Variants in IST1 observed in about 807,000 individuals in gnomAD.
The protein encoded by IST1 is IST1 factor associated with ESCRT-III.
Under a neutral mutation model 37.0 loss-of-function variants are expected in IST1, and 23 were observed. The observed-to-expected ratio is 0.62, with a 90% CI of 0.45 to 0.88. The LOEUF is 0.88. Among genes scored for constraint, IST1 ranks in the 40% least tolerant of loss-of-function variants. The pLI is 0.00. For synonymous variants in IST1, 180 were observed against 161.7 expected (o/e 1.11, Z -0.86); for missense variants, 488 against 445.4 (o/e 1.10, Z -0.86).
chr16:71,913,178 G>T (rs1597245645), intron 1 of IST1, among the ~76,000 whole-genome samples: 1 of 152,156 alleles, frequency 6.6e-6, no homozygotes, highest in East Asian at 1.9e-4. Flanking sequence ...TTGAGGAACC[G>T]CCATACTGTC....
rs144265469 is a variant in IST1, at chr16:71,928,505, C to G, written c.*692C>G. ...TGGCCTTTTGCTTTGCGTGCTGTTT[C>G]CCTTGTACCAGAGGGCGGCACCGTG... On this transcript the variant is annotated 3_prime_UTR_variant, in exon 10 of 10. Coordinates refer to ENST00000378799, the MANE Select transcript of IST1 (RefSeq NM_001270975.2). 3.0e-4 allele frequency: 46 copies of G among 152,782 alleles called. No individual in the cohort carries two copies. Among genetic ancestry groups the G allele is most frequent in the Admixed American group, 2.5e-3 (38 of 15,304 alleles). The allele number at this position is 152,782 out of a possible 1,614,324, so 9.5% of individuals were successfully genotyped here.
intron 1 of IST1, among the ~76,000 whole-genome samples, chr16:71,913,062 A>G (rs548226819): frequency 1.4e-4 from 21 of 152,224 alleles, no homozygotes; most frequent in Non-Finnish European, 1.3e-4. Context: ...TGCTGGGAAC[A>G]TAGGTATGCA....
chr16:71,924,637 G>T, intron 8 of IST1, 132 bp from the exon 9 acceptor site: 1 of 710,912 alleles, frequency 1.4e-6, no homozygotes, highest in Non-Finnish European at 2.6e-6. Flanking sequence ...AAAAATGCAG[G>T]GGCAGTTTCT....
chr16:71,930,479 C>T lies in IST1; in HGVS notation c.*2666C>T. On this transcript the variant is annotated 3_prime_UTR_variant, in exon 10 of 10. Transcript: ENST00000378799. ...GTCACATGAGTTTTGGCAAAAAATA[C>T]ATCTAATCATGGAAGCTAAAAGTGG... 1 of 228,368 alleles carries T rather than the reference C, an allele frequency of 4.4e-6. No homozygotes were observed. Among genetic ancestry groups the T allele is most frequent in the Non-Finnish European group, 8.6e-6 (1 of 116,642 alleles). 14.1% of individuals were successfully genotyped at this position (228,368 alleles called of 1,614,324 possible). A position where few individuals can be genotyped will look rare whatever the true frequency, so the allele number is the denominator to read the frequency against.
chr16:71,899,448 G>A (rs976978151), intron 1 of IST1, among the ~76,000 whole-genome samples: 1 of 152,042 alleles, frequency 6.6e-6, no homozygotes, highest in Non-Finnish European at 1.5e-5. Flanking sequence ...AAAGGAATTG[G>A]GCTGTATTAT....
At chr16:71,912,053 G>A (rs527282811) in intron 1 of IST1, among the ~76,000 whole-genome samples, 2 of 152,004 alleles carry the variant, frequency 1.3e-5, no homozygotes, top group South Asian at 4.2e-4. Context: ...GCCAATTTAC[G>A]TTTCCAGCAG....
intron 1 of IST1, among the ~76,000 whole-genome samples, chr16:71,898,144 G>GTGAA (rs1363910201): frequency 6.6e-6 from 1 of 152,012 alleles, no homozygotes; most frequent in Non-Finnish European, 1.5e-5. Context: ...GGAGGCTGAG[G>GTGAA]CAGGCAGATC....
At position 71,928,573 on chromosome 16, in the gene IST1, A is replaced by G. The variant is rs1166938725; in HGVS notation, c.*760A>G. The stretch of plus-strand genomic sequence containing the variant: ...GTAGCATATTGTGTTGGATTGCATT[A>G]CTGGCAGAGAAAGGACAAGGTGCCA... On this transcript the variant is annotated 3_prime_UTR_variant, in exon 10 of 10. Coordinates refer to ENST00000378799, the MANE Select transcript of IST1 (RefSeq NM_001270975.2). 1 of 152,632 alleles carries G rather than the reference A, an allele frequency of 6.6e-6. No homozygotes were observed. The highest frequency in any genetic ancestry group is 1.9e-4 in the East Asian group (1 of 5,200). The allele number at this position is 152,632 out of a possible 1,614,324, so 9.5% of individuals were successfully genotyped here. A position where few individuals can be genotyped will look rare whatever the true frequency, so the allele number is the denominator to read the frequency against.
At position 71,929,531 on chromosome 16, in the gene IST1, A is replaced by T; in HGVS notation, c.*1718A>T. On this transcript the variant is annotated 3_prime_UTR_variant, in exon 10 of 10. Transcript: ENST00000378799. ...ATAAATACTAAGCCAAGTAGGAGAT[A>T]ACAGGATTAAGGTAGTTCATCTAAA... 1 of 1,546,666 alleles carries T rather than the reference A, an allele frequency of 6.5e-7. No homozygotes were observed. Among genetic ancestry groups the T allele is most frequent in the Non-Finnish European group, 8.7e-7 (1 of 1,145,690 alleles).
chr16:71,896,576 T>A (rs1286822010), intron 1 of IST1, among the ~76,000 whole-genome samples: 1 of 152,152 alleles, frequency 6.6e-6, no homozygotes, highest in Non-Finnish European at 1.5e-5. Context: ...TATATTTCCC[T>A]CTCCTTTCCC....
chr16:71,899,430 A>G (rs2037052000), intron 1 of IST1, among the ~76,000 whole-genome samples: 1 of 152,156 alleles, frequency 6.6e-6, no homozygotes, highest in Non-Finnish European at 1.5e-5. Flanking sequence ...AAAAATTTTT[A>G]AAAAGATAAA....
chr16:71,926,324 C>CTA (rs2037742095), intron 9 of IST1, among the ~76,000 whole-genome samples: 1 of 151,008 alleles, frequency 6.6e-6, no homozygotes, highest in Admixed American at 6.6e-5. Flanking sequence ...TATGGAGATA[C>CTA]AATTTACATT....
chr16:71,921,240 T>C (rs968975547), intron 5 of IST1, 103 bp from the exon 6 acceptor site: 1 of 721,184 alleles, frequency 1.4e-6, no homozygotes, highest in African/African-American at 1.8e-5. Context: ...TTTTTTTCCC[T>C]CAATATTACC....
rs547655897 is a variant in IST1, at chr16:71,908,158, G to A, written c.-15-7468G>A. ...GGGGTTTCATCATGTTAGCCAGGCT[G>A]GTCTTGAACTCCTGACCTCACGATC... On this transcript the variant is annotated intron_variant, in intron 1 of 9. Coordinates refer to ENST00000378799, the MANE Select transcript of IST1 (RefSeq NM_001270975.2). 3.5e-4 allele frequency among the ~76,000 whole-genome samples: 53 copies of A among 152,120 alleles called. 1 individual carries two copies. Among genetic ancestry groups the A allele is most frequent in the African/African-American group, 1.1e-3 (47 of 41,514 alleles).
In IST1 at chr16:71,923,380, T is replaced by G. The variant is rs1567473757; in HGVS notation, c.852T>G (p.Ser284=). ...CAGCAACTCCCCCATCGTATGAATCTGTAAGTGCCTGAGCCTCTTTTATAA... is the reference window on the plus strand; with the variant it reads ...CAGCAACTCCCCCATCGTATGAATCGGTAAGTGCCTGAGCCTCTTTTATAA... ...QIPATPPSYE[S]VDDINADKNI... Residue 284 remains serine (S), a splice_region_variant and synonymous_variant, in exon 8 of 10, where the codon TCT becomes TCG. Coordinates refer to ENST00000378799, the MANE Select transcript of IST1 (RefSeq NM_001270975.2). The G allele has an allele frequency of 1.3e-6, 2 of 1,585,050 alleles. No homozygotes were observed. Among genetic ancestry groups the G allele is most frequent in the Non-Finnish European group, 1.7e-6 (2 of 1,153,890 alleles).
chr16:71,910,916 G>A (rs987354918), intron 1 of IST1, among the ~76,000 whole-genome samples: 2 of 152,034 alleles, frequency 1.3e-5, no homozygotes, highest in African/African-American at 4.8e-5. Flanking sequence ...CCTTCTCCAT[G>A]CATTTATATA....
chr16:71,894,639 C>A (rs1480357777), upstream of IST1: 13 of 526,866 alleles, frequency 2.5e-5, no homozygotes, highest in Non-Finnish European at 4.1e-5. Flanking sequence ...GATCTTCCTG[C>A]CTCAGCCTCC....
At chr16:71,924,307 G>T (rs1197573695) in intron 8 of IST1, 8 of 401,402 alleles carry the variant, frequency 2.0e-5, no homozygotes, top group Non-Finnish European at 3.4e-5. Context: ...TCTCTGCTTG[G>T]CAGTTAAGAG....
In IST1 at chr16:71,924,791, A is replaced by G. The variant is rs969613665; in HGVS notation, c.875A>G (p.Lys292Arg). 6.2e-7 allele frequency: 1 copy of G among 1,610,504 alleles called. No individual in the cohort carries two copies. Among genetic ancestry groups the G allele is most frequent in the African/African-American group, 1.3e-5 (1 of 74,992 alleles). Reference protein sequence around the residue: ...YESVDDINADKNISSAQIVGP... With the variant: ...YESVDDINADRNISSAQIVGP... ...CAGGTAGATGACATTAATGCTGATA[A>G]GAATATCTCTTCTGCACAGATTGTT... Residue 292 changes from lysine (K) to arginine (R), a missense_variant, in exon 9 of 10, where the codon AAG becomes AGG. Around this residue, in one of 2 missense-constraint regions of IST1, gnomAD observed 455 missense variants for 386.2 expected, o/e 1.18. Transcript: ENST00000378799.
Sources: allele counts gnomAD v4.1 joint callset (sites outside exome capture counted in the v4.1 genomes callset), GRCh38; gene constraint gnomAD v4.1.1; regional missense constraint gnomAD v4.1.1; transcripts MANE v1.5; gene names NCBI Gene and HGNC (gene_info 2026-07-23, HGNC 2026-07-21).